The following KIF15 variants were observed in gnomAD, a reference collection of about 807,000 sequenced individuals.
KIF15 encodes the protein kinesin-like protein KIF15.
A neutral mutation model predicts 190.6 loss-of-function variants in KIF15; 140 were observed. The ratio of observed to expected loss-of-function variants is 0.73; its 90% CI spans 0.64 to 0.84. The LOEUF is 0.84. KIF15 is among the 40% of genes least tolerant of loss of function. KIF15 has a pLI of 0.00. For synonymous variants in KIF15, 528 were observed against 551.3 expected (o/e 0.96, Z 0.59); for missense variants, 1,372 against 1,584.4 (o/e 0.87, Z 2.28).
At chr3:44,774,987 C>A (rs187311348) in intron 2 of KIF15, among the ~76,000 whole-genome samples, 16 of 152,138 alleles carry the variant, frequency 1.1e-4, no homozygotes, top group Admixed American at 2.6e-4. Flanking sequence ...GTAATCCCAG[C>A]TACTTGGGAG....
Position 44,830,028 on chromosome 3 carries a change from A to G in KIF15, c.3001A>G (p.Lys1001Glu). Residue 1001 changes from lysine to glutamate, a missense_variant, in exon 25 of 35, where the codon AAA (lysine) becomes GAA (glutamate). Lys to Glu is a moderately conservative substitution (Grantham distance 56). Transcript: ENST00000326047. The part of the protein sequence containing the change: ...IQELRTSVCE[K>E]TETIDTLKQE... ...GGAGCTAAGAACATCGGTCTGTGAG[A>G]AAACAGAAACTATAGACACCCTGAA... 6.3e-7 allele frequency: 1 copy of G among 1,597,562 alleles called. No homozygotes were observed. The highest frequency in any genetic ancestry group is 8.5e-7 in the Non-Finnish European group (1 of 1,173,562).
rs190999032 is a variant in KIF15 at position 44,786,234 on chromosome 3, A to G, written c.460-161A>G. On this transcript the variant is annotated intron_variant, in intron 6 of 34. Coordinates refer to ENST00000326047, the MANE Select transcript of KIF15 (RefSeq NM_020242.3). Reference sequence around the variant, plus strand: ...CCATCTCAAACAAAACAAAAAAACTATTTATCTAGATTTTTTTTACTTTTA... The same window carrying G: ...CCATCTCAAACAAAACAAAAAAACTGTTTATCTAGATTTTTTTTACTTTTA... 4.4e-4 allele frequency among the ~76,000 whole-genome samples: 67 copies of G among 152,228 alleles called. 1 individual carries two copies. The highest frequency in any genetic ancestry group is 5.9e-4 in the Non-Finnish European group (40 of 68,020).
At chr3:44,778,320 GA>G in intron 4 of KIF15, 129 bp downstream of exon 4, 1 of 763,756 alleles carries the variant, frequency 1.3e-6, no homozygotes, top group East Asian at 2.5e-5. Flanking sequence ...TTCTGTAAGT[GA>G]AAAGTTCAAC....
rs374863903 is a variant in KIF15, at chr3:44,848,506, T to C, written c.3769-15T>C. ...TAAGCAATCTTTTTATTTTCTTTTT[T>C]TAATCTTCTTATAGAGTAAAATAGT... On this transcript the variant is annotated splice_polypyrimidine_tract_variant and intron_variant, in intron 31 of 34. Transcript: ENST00000326047. 22 of 1,065,816 alleles carry C rather than the reference T, an allele frequency of 2.1e-5. No homozygotes were observed. The African/African-American group carries it at 3.1e-4, about 15-fold the overall frequency. The allele number at this position is 1,065,816 out of a possible 1,614,324, so 66.0% of individuals were successfully genotyped here.
chr3:44,850,798 G>A (rs1699033536), intron 32 of KIF15, among the ~76,000 whole-genome samples: 1 of 152,118 alleles, frequency 6.6e-6, no homozygotes, highest in Non-Finnish European at 1.5e-5. Flanking sequence ...TAAATTTTAT[G>A]TATTATATCA....
chr3:44,866,752 C>T (rs1699326570), intron 6 of KIF15, among the ~76,000 whole-genome samples: 1 of 152,226 alleles, frequency 6.6e-6, no homozygotes, highest in South Asian at 2.1e-4. Flanking sequence ...CCCTAGCCCA[C>T]CACTCCAACA....
rs1014999977 is a variant in KIF15 at position 44,828,921 on chromosome 3, T to C, written c.2943+621T>C. On this transcript the variant is annotated intron_variant, in intron 24 of 34. Coordinates refer to ENST00000326047, the MANE Select transcript of KIF15 (RefSeq NM_020242.3). The stretch of plus-strand genomic sequence containing the variant: ...GTGTGGTGGCACATGCCTGTAATCC[T>C]AGCTACTCGGGAGGCTGAGGCAGGA... Among the ~76,000 whole-genome samples the C allele has an allele frequency of 2.6e-5, 4 of 151,770 alleles. No homozygotes were observed. In the East Asian group the frequency reaches 7.8e-4, roughly 30 times the overall value.
Position 44,843,222 on chromosome 3 carries a change from A to G in KIF15, c.3683A>G (p.Gln1228Arg), listed in dbSNP as rs771506958. Residue 1228 changes from glutamine (Q) to arginine (R), a missense_variant, in exon 30 of 35, where the codon CAA (glutamine) becomes CGA (arginine). Physicochemically the swap from Gln to Arg is conservative, Grantham distance 43. Coordinates refer to ENST00000326047, the MANE Select transcript of KIF15 (RefSeq NM_020242.3). ...GGTCAGCTGGATGATATTAAAAGAC[A>G]AAAGGAAAACAGGTGAGAAAGAACC... ...LQGQLDDIKR[Q>R]KENSDQNHPD... is the part of the protein sequence containing the mutation. 6.2e-7 allele frequency: 1 copy of G among 1,610,890 alleles called. No homozygotes were observed. The highest frequency in any genetic ancestry group is 1.1e-5 in the South Asian group (1 of 90,862).
intron 6 of KIF15, chr3:44,864,181 A>G (rs1699294870): frequency 3.0e-5 from 49 of 1,613,102 alleles, no homozygotes; most frequent in Non-Finnish European, 4.2e-5. Context: ...GGCTGCAGTG[A>G]CACTTTCTCC....
chr3:44,818,594 G>A (rs756091517), intron 20 of KIF15, among the ~76,000 whole-genome samples: 1 of 152,090 alleles, frequency 6.6e-6, no homozygotes. Flanking sequence ...AGATACAGCC[G>A]ACTTTATTGT....
chr3:44,835,945 A>C (rs1205986331), intron 26 of KIF15, among the ~76,000 whole-genome samples: 2 of 152,212 alleles, frequency 1.3e-5, no homozygotes, highest in Non-Finnish European at 2.9e-5. Context: ...ATGGTAATGC[A>C]CGCCTGTAGT....
chr3:44,821,776 T>A lies in KIF15; in HGVS notation c.2550-4263T>A, dbSNP rs1189968403. ...ACTTTGGGAGGCCAAGGCAGGCGGCTGGGAGGTGGAGGTTGTAGCGAGCTG... is the reference window on the plus strand; with the variant it reads ...ACTTTGGGAGGCCAAGGCAGGCGGCAGGGAGGTGGAGGTTGTAGCGAGCTG... On this transcript the variant is annotated intron_variant, in intron 20 of 34. Coordinates refer to ENST00000326047, the MANE Select transcript of KIF15 (RefSeq NM_020242.3). 3.9e-5 allele frequency among the ~76,000 whole-genome samples: 6 copies of A among 152,186 alleles called. No homozygotes were observed. The East Asian group carries it at 7.7e-4, about 20-fold the overall frequency.
rs145387579 is a variant in KIF15, at chr3:44,828,359, A to G, written c.2943+59A>G. On this transcript the variant is annotated intron_variant, in intron 24 of 34. Transcript: ENST00000326047. ...ATTTTCTTATAAATGCTAGTTTAAC[A>G]TTTTGTTCTCCTACCTCTTCTTGCA... is the stretch of plus-strand genomic sequence containing the variant. 5.4e-3 allele frequency: 6,679 copies of G among 1,226,918 alleles called. 40 individuals are homozygous for G. Among genetic ancestry groups the G allele is most frequent in the Non-Finnish European group, 6.9e-3 (5,749 of 832,478 alleles). 76.0% of individuals were successfully genotyped at this position (1,226,918 alleles called of 1,614,324 possible). A position where few individuals can be genotyped will look rare whatever the true frequency, so the allele number is the denominator to read the frequency against.
intron 8 of KIF15, 87 bp downstream of exon 8, chr3:44,794,513 A>C: frequency 1.0e-6 from 1 of 969,362 alleles, no homozygotes; most frequent in Non-Finnish European, 1.5e-6. Context: ...GTCTCAGTCA[A>C]TGAGGAACTG....
chr3:44,826,158 A>C lies in KIF15; in HGVS notation c.2669A>C (p.Lys890Thr). The C allele has an allele frequency of 6.3e-7, 1 of 1,577,000 alleles. No individual in the cohort carries two copies. Among genetic ancestry groups the C allele is most frequent in the South Asian group, 1.2e-5 (1 of 83,770 alleles). The change falls in exon 21 of 35, where the codon AAA becomes ACA. Residue 890 changes from lysine to threonine, a missense_variant. Physicochemically the swap from Lys to Thr is moderately conservative, Grantham distance 78. Coordinates refer to ENST00000326047, the MANE Select transcript of KIF15 (RefSeq NM_020242.3). ...QLSRNLQNFK[K>T]ENETLKSDLN... ...TCAAGAAACCTCCAAAACTTCAAAA[A>C]AGAAAATGAAACTCTGAAATCTGAT...
intron 7 of KIF15, among the ~76,000 whole-genome samples, chr3:44,792,744 C>G (rs1706776897): frequency 6.6e-6 from 1 of 152,000 alleles, no homozygotes; most frequent in Non-Finnish European, 1.5e-5. Flanking sequence ...GACGGGGTTT[C>G]ACCGTGTTAG....
At chr3:44,813,047 T>G (rs368678314) in intron 18 of KIF15, 28 bp from the exon 19 acceptor site, 217 of 1,368,972 alleles carry the variant, frequency 1.6e-4, no homozygotes, top group Non-Finnish European at 2.0e-4. Flanking sequence ...GTATTCCTTT[T>G]CCAGTAAATT....
intron 30 of KIF15, among the ~76,000 whole-genome samples, chr3:44,845,097 C>G (rs1030681586): frequency 2.2e-4 from 34 of 152,178 alleles, no homozygotes; most frequent in African/African-American, 7.7e-4. Flanking sequence ...CTTTTTTAAC[C>G]TTTGAGGACA....
At chr3:44,807,207 T>C (rs912034364) in intron 16 of KIF15, among the ~76,000 whole-genome samples, 2 of 152,194 alleles carry the variant, frequency 1.3e-5, no homozygotes, top group Non-Finnish European at 2.9e-5. Context: ...AGGTAATTTA[T>C]GTGACTGAAA....
Sources: allele counts gnomAD v4.1 joint callset (sites outside exome capture counted in the v4.1 genomes callset), GRCh38; gene constraint gnomAD v4.1.1; transcripts MANE v1.5; gene names NCBI Gene and HGNC (gene_info 2026-07-23, HGNC 2026-07-21).